The following PDE1A variants were observed in gnomAD, a reference collection of about 807,000 sequenced individuals.
The protein encoded by PDE1A is phosphodiesterase 1A.
Under a neutral mutation model 61.7 loss-of-function variants are expected in PDE1A, and 35 were observed. That is an observed-to-expected ratio of 0.57 (90% confidence interval 0.43 to 0.75). The LOEUF (loss-of-function observed/expected upper bound fraction) is 0.75, where lower values mean the gene tolerates loss of function less well. Among genes scored for constraint, PDE1A ranks in the 30% least tolerant of loss-of-function variants. PDE1A has a pLI of 0.00. For missense variants in PDE1A, 597 were observed against 630.6 expected, an observed-to-expected ratio of 0.95 and a Z score of 0.57; for synonymous variants, 232 against 213.2, an observed-to-expected ratio of 1.09 and a Z score of -0.77.
chr2:182,263,224 G>A (rs1172711616), intron 2 of PDE1A, among the ~76,000 whole-genome samples: 1 of 152,092 alleles, frequency 6.6e-6, no homozygotes, highest in South Asian at 2.1e-4. Context: ...AGGACCAAAG[G>A]GTCTGGCTAG....
At chr2:182,615,850 T>C in the PDE1A span, among the ~76,000 whole-genome samples, 16 of 152,148 alleles carry the variant, frequency 1.1e-4, no homozygotes, top group Non-Finnish European at 2.2e-4. Context: ...AGAAACCCAC[T>C]CCCACGTTAA....
chr2:182,394,610 T>C (rs1384226230), intron 1 of PDE1A, among the ~76,000 whole-genome samples: 7 of 152,162 alleles, frequency 4.6e-5, no homozygotes, highest in African/African-American at 1.7e-4. Flanking sequence ...ACATCAATAT[T>C]GGTCCTCCAG....
At chr2:182,498,798 GC>G (rs1319666042) in intron 2 of PDE1A, among the ~76,000 whole-genome samples, 4 of 152,006 alleles carry the variant, frequency 2.6e-5, no homozygotes, top group African/African-American at 7.2e-5. Flanking sequence ...CAAAAAATTA[GC>G]CGGACGCGGT....
At chr2:182,692,477 C>T in the PDE1A span, among the ~76,000 whole-genome samples, 1 of 151,540 alleles carries the variant, frequency 6.6e-6, no homozygotes, top group African/African-American at 2.4e-5. Context: ...AATGAGAACA[C>T]TTGGACACAG....
intron 2 of PDE1A, among the ~76,000 whole-genome samples, chr2:182,509,119 A>G (rs1445422738): frequency 6.6e-6 from 1 of 152,186 alleles, no homozygotes; most frequent in Admixed American, 6.5e-5. Flanking sequence ...ATGGGCACCC[A>G]GACATTACTG....
exon 5 of PDE1A, chr2:182,231,087 T>A (rs1295657699): frequency 6.2e-7 from 1 of 1,609,676 alleles, no homozygotes; most frequent in East Asian, 2.2e-5. Context: ...GCTCTCCACT[T>A]GCTTCATTTA....
At chr2:182,231,043 G>A (rs1689536962) in exon 5 of PDE1A, 2 of 1,595,626 alleles carry the variant, frequency 1.3e-6, no homozygotes, top group Non-Finnish European at 1.7e-6. Flanking sequence ...ATCATATCTG[G>A]TAAACAGTTC....
chr2:182,320,768 T>G (rs1349538257), intron 1 of PDE1A, among the ~76,000 whole-genome samples: 1 of 152,218 alleles, frequency 6.6e-6, no homozygotes, highest in Non-Finnish European at 1.5e-5. Context: ...AATTTAGACA[T>G]GTCATTTGAC....
Position 182,213,864 on chromosome 2 carries a change from A to G in PDE1A, c.777-7799T>C, listed in dbSNP as rs1221630853. ...ACTCTGCAGGATATTATCCAGGAGAACTTCCCCAATCTAGCAAGGCAGGCC... is the reference window on the plus strand; with the variant it reads ...ACTCTGCAGGATATTATCCAGGAGAGCTTCCCCAATCTAGCAAGGCAGGCC... On this transcript the variant is annotated intron_variant, in intron 7 of 13. Coordinates refer to ENST00000351439, the Ensembl canonical transcript of PDE1A. 1.1e-4 allele frequency among the ~76,000 whole-genome samples: 12 copies of G among 110,290 alleles called. No individual in the cohort carries two copies. The East Asian group carries it at 3.7e-3, about 34-fold the overall frequency. 72.4% of individuals were successfully genotyped at this position (110,290 alleles called of 152,430 possible).
At chr2:182,664,136 T>C in the PDE1A span, among the ~76,000 whole-genome samples, 1 of 152,136 alleles carries the variant, frequency 6.6e-6, no homozygotes, top group Non-Finnish European at 1.5e-5. Context: ...TTTTTACACA[T>C]CCATCCAATA....
chr2:182,387,209 C>T (rs929336298), intron 1 of PDE1A, among the ~76,000 whole-genome samples: 5 of 152,172 alleles, frequency 3.3e-5, no homozygotes, highest in Non-Finnish European at 7.4e-5. Flanking sequence ...TAAGCAGATG[C>T]TTGAAGGCAG....
intron 1 of PDE1A, among the ~76,000 whole-genome samples, chr2:182,338,758 G>A (rs1345633257): frequency 6.6e-6 from 1 of 152,018 alleles, no homozygotes; most frequent in African/African-American, 2.4e-5. Flanking sequence ...TCCTCACCTC[G>A]TGATCTACCC....
intron 2 of PDE1A, among the ~76,000 whole-genome samples, chr2:182,494,222 T>C (rs1688570484): frequency 6.6e-6 from 1 of 151,874 alleles, no homozygotes; most frequent in Non-Finnish European, 1.5e-5. Flanking sequence ...CATCTACATA[T>C]CCAAAAGCCT....
intron 1 of PDE1A, among the ~76,000 whole-genome samples, chr2:182,352,918 C>T (rs1698972392): frequency 6.6e-6 from 1 of 152,084 alleles, no homozygotes; most frequent in Non-Finnish European, 1.5e-5. Context: ...AACAATTTGA[C>T]CCAGTGTATC....
chr2:182,438,505 G>C (rs1684585879), intron 2 of PDE1A, among the ~76,000 whole-genome samples: 1 of 151,950 alleles, frequency 6.6e-6, no homozygotes, highest in Admixed American at 6.6e-5. Context: ...GAGGCAAAGA[G>C]GGGAGAGAAA....
At chr2:182,350,146 A>T (rs944951395) in intron 1 of PDE1A, among the ~76,000 whole-genome samples, 2 of 152,124 alleles carry the variant, frequency 1.3e-5, no homozygotes, top group Non-Finnish European at 2.9e-5. Context: ...CTATTTTTAA[A>T]ATGCATATAC....
chr2:182,446,558 C>G (rs1000855969), intron 2 of PDE1A, among the ~76,000 whole-genome samples: 10 of 152,062 alleles, frequency 6.6e-5, no homozygotes, highest in Non-Finnish European at 1.0e-4. Context: ...GGACAGATAT[C>G]TATTTGCTTT....
intron 7 of PDE1A, among the ~76,000 whole-genome samples, chr2:182,219,939 A>G (rs1042449996): frequency 1.3e-5 from 2 of 152,146 alleles, no homozygotes; most frequent in African/African-American, 2.4e-5. Context: ...AACAGAGAAA[A>G]CAAAAACTAA....
chr2:182,248,115 G>A (rs1366773243), intron 2 of PDE1A, among the ~76,000 whole-genome samples: 1 of 151,876 alleles, frequency 6.6e-6, no homozygotes, highest in African/African-American at 2.4e-5. Flanking sequence ...AATTTAGCTG[G>A]GTGTGGTGGT....
Sources: gnomAD v4.1 joint callset for allele counts (sites outside exome capture counted in the v4.1 genomes callset) on GRCh38, gnomAD v4.1.1 for gene constraint, MANE v1.5 for transcripts, NCBI Gene and HGNC (gene_info 2026-07-23, HGNC 2026-07-21) for gene names.